AKAP6: variants seen among roughly 807,000 people sequenced by gnomAD.
The protein encoded by AKAP6 is A-kinase anchor protein 6.
AKAP6 carries 58 observed loss-of-function variants against 188.5 expected under a neutral mutation model. The observed-to-expected ratio is 0.31, with a 90% CI of 0.25 to 0.38. The LOEUF is 0.38. AKAP6 is among the 10% of genes least tolerant of loss of function. The pLI, the probability that AKAP6 is intolerant of heterozygous loss-of-function variation, is 1.00. For missense variants in AKAP6, 2,710 were observed against 2,740.0 expected (o/e 0.99, Z 0.24); for synonymous variants, 989 against 998.6 (o/e 0.99, Z 0.18).
At chr14:32,670,113 A>C (rs1394382502) in intron 7 of AKAP6, among the ~76,000 whole-genome samples, 1 of 151,632 alleles carries the variant, frequency 6.6e-6, no homozygotes, top group Admixed American at 6.6e-5. Context: ...AAAAAAAAAA[A>C]GCCCCTTATA....
At chr14:32,613,541 G>A (rs922796087) in intron 7 of AKAP6, among the ~76,000 whole-genome samples, 9 of 152,118 alleles carry the variant, frequency 5.9e-5, no homozygotes, top group Non-Finnish European at 1.3e-4. Flanking sequence ...CATCCCCAAA[G>A]CTTTCATTTC....
At chr14:32,416,608 G>A (rs1315907418) in intron 1 of AKAP6, among the ~76,000 whole-genome samples, 1 of 151,922 alleles carries the variant, frequency 6.6e-6, no homozygotes, top group Admixed American at 6.6e-5. Flanking sequence ...AGGCTGGAGT[G>A]CAGTGATGCA....
intron 11 of AKAP6, among the ~76,000 whole-genome samples, chr14:32,769,470 C>T (rs1486736936): frequency 6.6e-6 from 1 of 151,972 alleles, no homozygotes; most frequent in Non-Finnish European, 1.5e-5. Context: ...GTTGTGCTTG[C>T]CACATAGAAG....
At chr14:32,573,882 G>A (rs377654202) in intron 4 of AKAP6, among the ~76,000 whole-genome samples, 11 of 152,138 alleles carry the variant, frequency 7.2e-5, no homozygotes, top group African/African-American at 2.7e-4. Context: ...GTATAGAGGG[G>A]CACTTTCTTG....
intron 1 of AKAP6, among the ~76,000 whole-genome samples, chr14:32,407,853 C>T (rs1221144079): frequency 1.3e-5 from 2 of 152,186 alleles, no homozygotes; most frequent in African/African-American, 2.4e-5. Flanking sequence ...GGTTTCTACA[C>T]TGGTAGGAGG....
chr14:32,543,562 A>T (rs1444446069), intron 3 of AKAP6, among the ~76,000 whole-genome samples: 1 of 152,180 alleles, frequency 6.6e-6, no homozygotes, highest in East Asian at 1.9e-4. Flanking sequence ...ATATATACCT[A>T]TTAGTGGGAT....
rs564587091 is a variant in AKAP6, at chr14:32,739,804, T to C, written c.3372+3922T>C. 2.6e-5 allele frequency among the ~76,000 whole-genome samples: 4 copies of C among 152,286 alleles called. No individual in the cohort carries two copies. In the East Asian group the frequency reaches 7.7e-4, roughly 29 times the overall value. On this transcript the variant is annotated intron_variant, in intron 11 of 13. Coordinates refer to ENST00000280979, the MANE Select transcript of AKAP6 (RefSeq NM_004274.5). ...ATACTTAGGTTGGGCTTCCAAATCTTGGCTATTGTGAATAGTGCTGCAACA... is the reference window on the plus strand; with the variant it reads ...ATACTTAGGTTGGGCTTCCAAATCTCGGCTATTGTGAATAGTGCTGCAACA...
chr14:32,761,942 A>G (rs2032554280), intron 11 of AKAP6, among the ~76,000 whole-genome samples: 1 of 152,146 alleles, frequency 6.6e-6, no homozygotes, highest in Non-Finnish European at 1.5e-5. Context: ...ATTACTTTGA[A>G]CTAATTCCCA....
intron 5 of AKAP6, among the ~76,000 whole-genome samples, chr14:32,592,372 A>C (rs1244399739): frequency 6.6e-6 from 1 of 152,174 alleles, no homozygotes. Context: ...AGGGTGGGGA[A>C]ACCAGTTAGG....
At chr14:32,399,608 A>G (rs1216774341) in intron 1 of AKAP6, among the ~76,000 whole-genome samples, 1 of 152,248 alleles carries the variant, frequency 6.6e-6, no homozygotes, top group East Asian at 1.9e-4. Context: ...AAGTGTTGAG[A>G]ATAACCTCAA....
At chr14:32,506,557 T>C (rs1023291053) in intron 2 of AKAP6, among the ~76,000 whole-genome samples, 1 of 152,144 alleles carries the variant, frequency 6.6e-6, no homozygotes, top group African/African-American at 2.4e-5. Flanking sequence ...AACTGTGGCT[T>C]TTGGGTTGGG....
chr14:32,696,220 T>C (rs1350336215), intron 9 of AKAP6, 110 bp downstream of exon 9: 2 of 1,341,642 alleles, frequency 1.5e-6, no homozygotes, highest in East Asian at 2.7e-5. Context: ...TATCATGGTG[T>C]CTATTAGAAT....
intron 4 of AKAP6, among the ~76,000 whole-genome samples, chr14:32,569,796 T>C (rs1421647246): frequency 6.6e-6 from 1 of 152,184 alleles, no homozygotes; most frequent in Non-Finnish European, 1.5e-5. Flanking sequence ...TAAACAAACC[T>C]TTACTGTGGA....
intron 9 of AKAP6, among the ~76,000 whole-genome samples, chr14:32,722,748 G>A (rs531446461): frequency 6.6e-5 from 10 of 152,212 alleles, no homozygotes; most frequent in African/African-American, 2.2e-4. Context: ...CCATCCCAGT[G>A]AGAGCCACTT....
intron 8 of AKAP6, among the ~76,000 whole-genome samples, chr14:32,683,231 T>A (rs1230114413): frequency 6.6e-6 from 1 of 152,082 alleles, no homozygotes; most frequent in Non-Finnish European, 1.5e-5. Context: ...TAACCTCAAG[T>A]GATTCACCCA....
chr14:32,756,218 G>A (rs114771069), intron 11 of AKAP6, among the ~76,000 whole-genome samples: 3,649 of 152,254 alleles, frequency 0.024, 134 homozygotes, highest in African/African-American at 0.082. Context: ...TGTCTGTGGT[G>A]GCTGGGTGCA....
chr14:32,602,311 C>T (rs1885959796), intron 7 of AKAP6, among the ~76,000 whole-genome samples: 1 of 152,016 alleles, frequency 6.6e-6, no homozygotes, highest in Non-Finnish European at 1.5e-5. Context: ...GCCTGGGCAA[C>T]ATAGCAAGAC....
intron 8 of AKAP6, among the ~76,000 whole-genome samples, chr14:32,689,914 G>A (rs1890098930): frequency 6.6e-6 from 1 of 151,950 alleles, no homozygotes; most frequent in Admixed American, 6.6e-5. Context: ...GTGAATATTT[G>A]GGGAAGGAAT....
At chr14:32,805,758 G>T (rs912532918) in intron 12 of AKAP6, among the ~76,000 whole-genome samples, 2 of 152,154 alleles carry the variant, frequency 1.3e-5, no homozygotes, top group African/African-American at 2.4e-5. Context: ...TAGGTCTGTT[G>T]TTTCCCTTGA....
Sources: gnomAD v4.1 joint callset for allele counts (sites outside exome capture counted in the v4.1 genomes callset) on GRCh38, gnomAD v4.1.1 for gene constraint, MANE v1.5 for transcripts, NCBI Gene and HGNC (gene_info 2026-07-23, HGNC 2026-07-21) for gene names.